Variants in CLEC2A observed in about 807,000 individuals in gnomAD.
The protein encoded by CLEC2A is C-type lectin domain family 2 member A, also known as keratinocyte-associated C-type lectin.
Under a neutral mutation model 18.6 loss-of-function variants are expected in CLEC2A, and 19 were observed. The observed-to-expected ratio is 1.02, with a 90% CI of 0.71 to 1.50. The LOEUF (loss-of-function observed/expected upper bound fraction) is 1.50, where lower values mean the gene tolerates loss of function less well. Ranked by LOEUF, CLEC2A falls within the 40% of genes most tolerant of loss-of-function variation. CLEC2A has a pLI of 0.00. For missense variants in CLEC2A, 190 were observed against 207.9 expected (o/e 0.91, Z 0.53); for synonymous variants, 74 against 64.0 (o/e 1.16, Z -0.75).
the CLEC2A span, among the ~76,000 whole-genome samples, chr12:9,891,901 A>G: frequency 2.6e-5 from 4 of 152,228 alleles, no homozygotes; most frequent in Admixed American, 6.5e-5. Context: ...AGACTAAAAT[A>G]TTAATGAAAA....
At chr12:9,911,180 G>C (rs1027108668), downstream of CLEC2A, among the ~76,000 whole-genome samples, 4 of 152,168 alleles carry the variant, frequency 2.6e-5, no homozygotes, top group African/African-American at 9.7e-5. Flanking sequence ...TGATGGGGGA[G>C]AAGGAGGGAA....
the CLEC2A span, among the ~76,000 whole-genome samples, chr12:9,889,766 A>T: frequency 6.6e-6 from 1 of 152,012 alleles, no homozygotes; most frequent in African/African-American, 2.4e-5. Context: ...GTGTGGAGGC[A>T]GTATAGTGCA....
intron 2 of CLEC2A, 63 bp downstream of exon 2, chr12:9,926,197 G>A: frequency 2.1e-6 from 2 of 966,606 alleles, no homozygotes; most frequent in Non-Finnish European, 3.2e-6. Context: ...AGTTAAACTT[G>A]AGATATACAT....
chr12:9,888,473 G>C, the CLEC2A span, among the ~76,000 whole-genome samples: 1 of 151,526 alleles, frequency 6.6e-6, no homozygotes, highest in Non-Finnish European at 1.5e-5. Context: ...CTGGGCAACA[G>C]AGTGAGACTC....
chr12:9,886,794 T>A, the CLEC2A span, among the ~76,000 whole-genome samples: 14 of 142,034 alleles, frequency 9.9e-5, no homozygotes, highest in East Asian at 2.9e-3. Context: ...AGAGAAGAAC[T>A]CTCTAAAACA....
At position 9,932,277 on chromosome 12, in the gene CLEC2A, A is replaced by T; in HGVS notation, c.53T>A (p.Ile18Lys). The part of the protein sequence containing the change: ...DGRADGFIHR[I>K]VPKLIQNWKI... Reference sequence around the variant, plus strand: ...CTCATTCACTCTATAAAACTTACCTATCCGATGTATGAAGCCATCAGCTCT... The same window carrying T: ...CTCATTCACTCTATAAAACTTACCTTTCCGATGTATGAAGCCATCAGCTCT... The change falls in exon 1 of 5, where the codon ATA (isoleucine) becomes AAA (lysine). Residue 18 changes from isoleucine to lysine, a missense_variant and splice_region_variant. Physicochemically the swap from Ile to Lys is moderately radical, Grantham distance 102 (BLOSUM62 -3). Transcript: ENST00000455827. The T allele has an allele frequency of 6.5e-7, 1 of 1,549,898 alleles. No individual in the cohort carries two copies. Among genetic ancestry groups the T allele is most frequent in the South Asian group, 1.2e-5 (1 of 84,022 alleles).
chr12:9,899,999 G>A (rs1403763299), intron 4 of CLEC2A, among the ~76,000 whole-genome samples: 1 of 152,218 alleles, frequency 6.6e-6, no homozygotes, highest in African/African-American at 2.4e-5. Context: ...AGGTGAAAGT[G>A]TGGAACTGAG....
intron 4 of CLEC2A, among the ~76,000 whole-genome samples, chr12:9,905,310 T>C (rs546029777): frequency 6.6e-6 from 1 of 152,246 alleles, no homozygotes; most frequent in Non-Finnish European, 1.5e-5. Context: ...TGGTTCAAGT[T>C]TTCCTTCTTT....
chr12:9,930,815 T>G (rs1031430758), intron 1 of CLEC2A, among the ~76,000 whole-genome samples: 9 of 152,102 alleles, frequency 5.9e-5, no homozygotes, highest in African/African-American at 1.7e-4. Context: ...CTCTCAGCTT[T>G]TATTTTATAT....
chr12:9,879,230 A>C, the CLEC2A span, among the ~76,000 whole-genome samples: 12 of 152,230 alleles, frequency 7.9e-5, no homozygotes, highest in Admixed American at 3.3e-4. Context: ...GGAAAATTAC[A>C]TGTATGTTGC....
At chr12:9,888,480 ACT>A in the CLEC2A span, among the ~76,000 whole-genome samples, 3 of 151,402 alleles carry the variant, frequency 2.0e-5, no homozygotes, top group Admixed American at 6.6e-5. Context: ...ACAGAGTGAG[ACT>A]CTGTCTCAAA....
Position 9,926,258 on chromosome 12 carries a change from A to T in CLEC2A, c.139+2T>A. The T allele has an allele frequency of 2.0e-6, 3 of 1,514,388 alleles. No individual in the cohort carries two copies. The highest frequency in any genetic ancestry group is 2.7e-6 in the Non-Finnish European group (3 of 1,113,306). 93.8% of individuals were successfully genotyped at this position (1,514,388 alleles called of 1,614,324 possible). On this transcript the variant is annotated splice_donor_variant, in intron 2 of 4. Coordinates refer to ENST00000455827, the MANE Select transcript of CLEC2A (RefSeq NM_001130711.2). LOFTEE classifies it high-confidence loss of function. ...AGAAAGTGTATGAATTAAACCACTC[A>T]CCTATCATAATAATGCAAACTGTAG...
At chr12:9,915,228 A>G (rs1863051706) in intron 4 of CLEC2A, among the ~76,000 whole-genome samples, 1 of 152,150 alleles carries the variant, frequency 6.6e-6, no homozygotes, top group South Asian at 2.1e-4. Flanking sequence ...CTGTGGCGAG[A>G]TAGGAATGCT....
chr12:9,901,394 G>T (rs1862827428), intron 4 of CLEC2A, among the ~76,000 whole-genome samples: 1 of 152,164 alleles, frequency 6.6e-6, no homozygotes, highest in Non-Finnish European at 1.5e-5. Context: ...AATTGACAAA[G>T]AAGTTTGGTT....
At chr12:9,888,054 CAAAAA>C in the CLEC2A span, among the ~76,000 whole-genome samples, 3 of 65,524 alleles carry the variant, frequency 4.6e-5, no homozygotes, top group Non-Finnish European at 7.9e-5. Context: ...GACCCTGTGT[CAAAAA>C]AAAAAAAAAA....
the CLEC2A span, among the ~76,000 whole-genome samples, chr12:9,891,599 T>C: frequency 6.6e-6 from 1 of 152,190 alleles, no homozygotes; most frequent in Non-Finnish European, 1.5e-5. Context: ...GAGAGGTCAT[T>C]TTATACCTTT....
At chr12:9,891,326 TC>T in the CLEC2A span, among the ~76,000 whole-genome samples, 11 of 152,314 alleles carry the variant, frequency 7.2e-5, no homozygotes, top group South Asian at 1.9e-3. Context: ...TATTTCTTCT[TC>T]TTTTAGAAGA....
intron 4 of CLEC2A, among the ~76,000 whole-genome samples, chr12:9,903,283 G>A (rs1474631750): frequency 6.6e-6 from 1 of 152,030 alleles, no homozygotes; most frequent in African/African-American, 2.4e-5. Flanking sequence ...GGAGATGTAG[G>A]GGAGGTTTTT....
At chr12:9,895,932 TAACA>T (rs1862751397), downstream of CLEC2A, 8 of 1,169,744 alleles carry the variant, frequency 6.8e-6, no homozygotes, top group Middle Eastern at 2.0e-4. Context: ...AAGTTTCTGC[TAACA>T]GACATCATCT....
Sources: allele counts gnomAD v4.1 joint callset (sites outside exome capture counted in the v4.1 genomes callset), GRCh38; gene constraint gnomAD v4.1.1; transcripts MANE v1.5; gene names NCBI Gene and HGNC (gene_info 2026-07-23, HGNC 2026-07-21).